PTPRD: variants seen among roughly 807,000 people sequenced by gnomAD.
PTPRD encodes receptor-type tyrosine-protein phosphatase delta.
In PTPRD, 34 loss-of-function variants were observed where a neutral mutation model predicts 214.5. The observed-to-expected ratio is 0.16, with a 90% CI of 0.12 to 0.21. The LOEUF is 0.21. Ranked by LOEUF, PTPRD falls within the 10% of genes least tolerant of loss-of-function variation. PTPRD has a pLI of 1.00. For missense variants in PTPRD, 2,545 were observed against 2,398.7 expected, an observed-to-expected ratio of 1.06 and a Z score of -1.27; for synonymous variants, 1,128 against 845.7, an observed-to-expected ratio of 1.33 and a Z score of -5.79.
At chr9:9,720,151 A>T (rs1441226201) in intron 7 of PTPRD, among the ~76,000 whole-genome samples, 4 of 152,200 alleles carry the variant, frequency 2.6e-5, no homozygotes, top group Non-Finnish European at 4.4e-5. Context: ...TGGCAAAGTG[A>T]CATCCTGCAT....
At chr9:10,141,135 C>A (rs1289472924) in intron 3 of PTPRD, among the ~76,000 whole-genome samples, 1 of 152,076 alleles carries the variant, frequency 6.6e-6, no homozygotes, top group Non-Finnish European at 1.5e-5. Flanking sequence ...AAACCCACAG[C>A]CAATATCATA....
chr9:8,408,153 G>A (rs553744172), intron 35 of PTPRD, among the ~76,000 whole-genome samples: 1 of 152,256 alleles, frequency 6.6e-6, no homozygotes, highest in African/African-American at 2.4e-5. Flanking sequence ...AAAGAGCAAT[G>A]TAGACCCTGA....
intron 2 of PTPRD, among the ~76,000 whole-genome samples, chr9:10,394,075 T>TATAG (rs1204963660): frequency 4.9e-5 from 7 of 143,498 alleles, no homozygotes; most frequent in African/African-American, 1.5e-4. Context: ...TATATATATA[T>TATAG]AGAGAGAGAA....
intron 2 of PTPRD, among the ~76,000 whole-genome samples, chr9:10,400,212 T>TTA (rs2098246903): frequency 6.6e-6 from 1 of 151,810 alleles, no homozygotes; most frequent in Non-Finnish European, 1.5e-5. Flanking sequence ...AAAAGAAGGA[T>TTA]AATAATAGTG....
intron 7 of PTPRD, among the ~76,000 whole-genome samples, chr9:9,614,071 A>G (rs887479808): frequency 1.3e-5 from 2 of 152,000 alleles, no homozygotes; most frequent in Non-Finnish European, 2.9e-5. Flanking sequence ...TCTGGCATAT[A>G]ATAAATAATC....
At chr9:8,578,913 T>C (rs2092758669) in intron 14 of PTPRD, among the ~76,000 whole-genome samples, 1 of 152,236 alleles carries the variant, frequency 6.6e-6, no homozygotes, top group African/African-American at 2.4e-5. Flanking sequence ...CATTGTATTC[T>C]GTTCCTACTA....
intron 12 of PTPRD, among the ~76,000 whole-genome samples, chr9:8,709,310 C>A (rs1340934065): frequency 2.0e-5 from 3 of 151,664 alleles, no homozygotes; most frequent in Non-Finnish European, 4.4e-5. Context: ...GTCAGGAGAT[C>A]GAGACCATCC....
intron 8 of PTPRD, among the ~76,000 whole-genome samples, chr9:9,495,394 C>A (rs973404454): frequency 6.6e-6 from 1 of 151,988 alleles, no homozygotes; most frequent in African/African-American, 2.4e-5. Flanking sequence ...AACTTCTATT[C>A]CTGTTTTCCC....
chr9:10,386,906 T>C (rs1267552942), intron 2 of PTPRD, among the ~76,000 whole-genome samples: 3 of 151,816 alleles, frequency 2.0e-5, no homozygotes, highest in East Asian at 2.0e-4. Context: ...TCAGGTCCAA[T>C]GTAATCCCAA....
At chr9:10,023,103 T>C (rs975687183) in intron 4 of PTPRD, among the ~76,000 whole-genome samples, 1 of 152,212 alleles carries the variant, frequency 6.6e-6, no homozygotes, top group Non-Finnish European at 1.5e-5. Context: ...AGGAAGATTT[T>C]TGACACATTG....
chr9:10,313,541 T>G (rs938153269), intron 3 of PTPRD, among the ~76,000 whole-genome samples: 8 of 151,942 alleles, frequency 5.3e-5, no homozygotes, highest in African/African-American at 1.9e-4. Flanking sequence ...AAATCCTGCA[T>G]ATAGCTCTTA....
chr9:8,442,676 G>C (rs886284946), intron 34 of PTPRD, among the ~76,000 whole-genome samples: 2 of 152,088 alleles, frequency 1.3e-5, no homozygotes, highest in Non-Finnish European at 2.9e-5. Context: ...TCATATTTTT[G>C]ACATAATGTA....
chr9:8,468,378 A>G (rs1435064894), intron 31 of PTPRD, among the ~76,000 whole-genome samples: 1 of 151,966 alleles, frequency 6.6e-6, no homozygotes, highest in Non-Finnish European at 1.5e-5. Flanking sequence ...GATCTATTAC[A>G]TGACCTGCTC....
rs559635446 is a variant in PTPRD at position 10,575,401 on chromosome 9, T to C, written c.-600+36997A>G. 2.6e-5 allele frequency among the ~76,000 whole-genome samples: 4 copies of C among 152,242 alleles called. No homozygotes were observed. In the South Asian group the frequency reaches 6.2e-4, roughly 24 times the overall value. Reference sequence around the variant, plus strand: ...AAAAATGATGTGTTCTACCTAGTCATTGCATTTTATGAGGGCCACAAATAG... The same window carrying C: ...AAAAATGATGTGTTCTACCTAGTCACTGCATTTTATGAGGGCCACAAATAG... On this transcript the variant is annotated intron_variant, in intron 2 of 45. Coordinates refer to ENST00000381196, the MANE Select transcript of PTPRD (RefSeq NM_002839.4).
At chr9:8,810,232 G>C (rs147328790) in intron 11 of PTPRD, among the ~76,000 whole-genome samples, 1 of 152,248 alleles carries the variant, frequency 6.6e-6, no homozygotes, top group East Asian at 1.9e-4. Flanking sequence ...ACTTTGGAAA[G>C]AAAAAGGTAG....
intron 4 of PTPRD, among the ~76,000 whole-genome samples, chr9:9,939,318 C>T (rs2090683475): frequency 1.3e-5 from 2 of 152,138 alleles, no homozygotes; most frequent in East Asian, 1.9e-4. Flanking sequence ...TTTAGCCTTG[C>T]TCCAGTTTGG....
At chr9:9,504,231 G>C (rs1343280956) in intron 8 of PTPRD, among the ~76,000 whole-genome samples, 2 of 151,622 alleles carry the variant, frequency 1.3e-5, no homozygotes, top group East Asian at 3.9e-4. Context: ...GGATTTTGTA[G>C]TACTTTCTAA....
At chr9:8,532,813 C>G (rs1025429637) in intron 14 of PTPRD, among the ~76,000 whole-genome samples, 18 of 151,964 alleles carry the variant, frequency 1.2e-4, no homozygotes, top group Non-Finnish European at 2.5e-4. Context: ...GGAATGGCAG[C>G]TATAATAGAC....
intron 26 of PTPRD, among the ~76,000 whole-genome samples, chr9:8,494,555 C>T (rs2097218635): frequency 6.6e-6 from 1 of 152,188 alleles, no homozygotes. Flanking sequence ...CCCTCACATG[C>T]CACTGGAGTA....
Sources: allele counts gnomAD v4.1 joint callset (sites outside exome capture counted in the v4.1 genomes callset), GRCh38; gene constraint gnomAD v4.1.1; transcripts MANE v1.5; gene names NCBI Gene and HGNC (gene_info 2026-07-23, HGNC 2026-07-21).